PPFIBP2: variants seen among roughly 807,000 people sequenced by gnomAD.
PPFIBP2 encodes PPFIB scaffold protein 2, also known as liprin-beta-2.
A neutral mutation model predicts 118.3 loss-of-function variants in PPFIBP2; 118 were observed. The observed-to-expected ratio is 1.00, with a 90% CI of 0.86 to 1.16. The LOEUF (loss-of-function observed/expected upper bound fraction) is 1.16, where lower values mean the gene tolerates loss of function less well. PPFIBP2 is among the 50% of genes most tolerant of loss of function. The pLI is 0.00. For missense variants in PPFIBP2, 1,195 were observed against 1,073.1 expected (o/e 1.11, Z -1.59); for synonymous variants, 414 against 397.4 (o/e 1.04, Z -0.50).
intron 6 of PPFIBP2, among the ~76,000 whole-genome samples, chr11:7,619,236 C>A (rs1849054148): frequency 6.6e-6 from 1 of 152,066 alleles, no homozygotes; most frequent in Non-Finnish European, 1.5e-5. Context: ...CAGAGTACAA[C>A]AAGAGAATAT....
chr11:7,613,894 G>T (rs367787909), intron 6 of PPFIBP2, among the ~76,000 whole-genome samples: 9 of 152,202 alleles, frequency 5.9e-5, no homozygotes, highest in East Asian at 5.8e-4. Context: ...AGGGGTACAC[G>T]TGAGCAAGAA....
chr11:7,562,156 T>C (rs1854370668), intron 2 of PPFIBP2, among the ~76,000 whole-genome samples: 1 of 152,220 alleles, frequency 6.6e-6, no homozygotes, highest in African/African-American at 2.4e-5. Context: ...GTAATGCTCA[T>C]TGGCCCACTG....
In PPFIBP2 at chr11:7,650,839, G is replaced by C. The variant is rs772595653; in HGVS notation, c.2122-1G>C. On this transcript the variant is annotated splice_acceptor_variant, in intron 21 of 23. Coordinates refer to ENST00000299492, the MANE Select transcript of PPFIBP2 (RefSeq NM_003621.5). LOFTEE classifies it high-confidence loss of function. ...CCTCACTCTCCTTCTCCCTCTGACA[G>C]AGTAACCTTTCTCCTTCAGAAGTTG... 3.1e-6 allele frequency: 5 copies of C among 1,613,688 alleles called. No homozygotes were observed. Among genetic ancestry groups the C allele is most frequent in the African/African-American group, 2.7e-5 (2 of 75,016 alleles).
At chr11:7,650,729 C>G in intron 21 of PPFIBP2, 111 bp from the exon 22 acceptor site, 2 of 1,225,226 alleles carry the variant, frequency 1.6e-6, no homozygotes, top group Non-Finnish European at 2.2e-6. Flanking sequence ...TGAGGGCCTT[C>G]TATTGTTGTG....
intron 2 of PPFIBP2, among the ~76,000 whole-genome samples, chr11:7,563,850 G>A (rs560879348): frequency 1.3e-5 from 2 of 152,252 alleles, no homozygotes; most frequent in South Asian, 4.1e-4. Flanking sequence ...TGCTGCTGCT[G>A]CTGTTGTTAA....
intron 19 of PPFIBP2, 73 bp from the exon 20 acceptor site, chr11:7,649,074 C>A (rs4758008): frequency 0.15 from 213,527 of 1,456,908 alleles, 19,766 homozygotes; most frequent in East Asian, 0.54. Flanking sequence ...ATATAATTTG[C>A]TCCCCTTTTT....
At chr11:7,563,496 A>G (rs1854585816) in intron 2 of PPFIBP2, among the ~76,000 whole-genome samples, 1 of 152,190 alleles carries the variant, frequency 6.6e-6, no homozygotes, top group Non-Finnish European at 1.5e-5. Context: ...TTCAGAAAGC[A>G]AACTGGCAAT....
At chr11:7,628,412 C>A in intron 9 of PPFIBP2, 66 bp downstream of exon 9, 1 of 1,416,432 alleles carries the variant, frequency 7.1e-7, no homozygotes, top group Non-Finnish European at 9.9e-7. Flanking sequence ...TTGGTCCCTG[C>A]TGGTCTCTGA....
intron 12 of PPFIBP2, 21 bp downstream of exon 12, chr11:7,632,955 C>A: frequency 6.2e-7 from 1 of 1,605,252 alleles, no homozygotes; most frequent in South Asian, 1.1e-5. Context: ...TGGGCATTTC[C>A]CCACAGCCAC....
chr11:7,543,617 A>C (rs1852006076), intron 1 of PPFIBP2, among the ~76,000 whole-genome samples: 2 of 152,256 alleles, frequency 1.3e-5, no homozygotes, highest in Admixed American at 1.3e-4. Context: ...AGCCTGCTCC[A>C]AACATCAATT....
intron 7 of PPFIBP2, among the ~76,000 whole-genome samples, chr11:7,623,120 T>G (rs1162286324): frequency 6.6e-6 from 1 of 152,162 alleles, no homozygotes; most frequent in South Asian, 2.1e-4. Flanking sequence ...TCTCTGTCAT[T>G]CCCGTGCCTT....
chr11:7,582,517 G>T (rs1043270167), intron 3 of PPFIBP2, among the ~76,000 whole-genome samples: 3 of 152,116 alleles, frequency 2.0e-5, no homozygotes, highest in African/African-American at 7.2e-5. Context: ...TCACACCAGG[G>T]TCATTTGCTG....
intron 1 of PPFIBP2, among the ~76,000 whole-genome samples, chr11:7,542,397 T>C (rs893822187): frequency 3.3e-5 from 5 of 152,244 alleles, no homozygotes; most frequent in Non-Finnish European, 7.3e-5. Context: ...TTAATCTTTT[T>C]TATTTCTTTT....
intron 1 of PPFIBP2, among the ~76,000 whole-genome samples, chr11:7,525,962 C>A (rs921125132): frequency 1.4e-4 from 22 of 152,080 alleles, no homozygotes; most frequent in Non-Finnish European, 2.8e-4. Context: ...TTCTTTGTTG[C>A]TCAGAGGGCA....
At chr11:7,610,270 G>A (rs772273474) in intron 5 of PPFIBP2, 21 bp from the exon 6 acceptor site, 5 of 1,611,232 alleles carry the variant, frequency 3.1e-6, no homozygotes, top group South Asian at 2.2e-5. Context: ...TTCTGATTTC[G>A]AGATCTGTTT....
At chr11:7,514,575 T>C (rs116211351) in intron 1 of PPFIBP2, among the ~76,000 whole-genome samples, 9,011 of 152,288 alleles carry the variant, frequency 0.059, 384 homozygotes, top group Admixed American at 0.13. Flanking sequence ...ACAGCGTGTG[T>C]CTAGATGCAG....
rs142627135 is a variant in PPFIBP2 at position 7,629,930 on chromosome 11, C to T, written c.964+396C>T. Among the ~76,000 whole-genome samples the T allele has an allele frequency of 6.0e-3, 915 of 152,290 alleles. 19 individuals are homozygous for T. Among genetic ancestry groups the T allele is most frequent in the African/African-American group, 0.021 (862 of 41,550 alleles). On this transcript the variant is annotated intron_variant, in intron 10 of 23. Coordinates refer to ENST00000299492, the MANE Select transcript of PPFIBP2 (RefSeq NM_003621.5). ...CCACCTCCTAGAAAATCTAAAGTTC[C>T]GCAGCAGACTCAGAGGGCCCTCTGG...
chr11:7,605,881 A>T (rs1223825954), intron 5 of PPFIBP2: 2 of 1,495,248 alleles, frequency 1.3e-6, no homozygotes, highest in African/African-American at 2.8e-5. Flanking sequence ...TGACTGTGCT[A>T]CTGAGAAGCT....
intron 5 of PPFIBP2, among the ~76,000 whole-genome samples, chr11:7,603,039 G>C (rs894661274): frequency 6.6e-6 from 1 of 152,124 alleles, no homozygotes; most frequent in Non-Finnish European, 1.5e-5. Flanking sequence ...TAAGACACAG[G>C]CCTAGTAGAT....
Sources: gnomAD v4.1 joint callset for allele counts (sites outside exome capture counted in the v4.1 genomes callset) on GRCh38, gnomAD v4.1.1 for gene constraint, MANE v1.5 for transcripts, NCBI Gene and HGNC (gene_info 2026-07-23, HGNC 2026-07-21) for gene names.